The following AFG1L variants were observed in gnomAD, a reference collection of about 807,000 sequenced individuals.
AFG1L encodes AFG1 like ATPase, also known as AFG1-like ATPase.
Under a neutral mutation model 62.2 loss-of-function variants are expected in AFG1L, and 53 were observed. The ratio of observed to expected loss-of-function variants is 0.85; its 90% CI spans 0.68 to 1.07. The LOEUF (loss-of-function observed/expected upper bound fraction) is 1.07. Among genes scored for constraint, AFG1L ranks in the 50% least tolerant of loss-of-function variants. The pLI is 0.00. For synonymous variants in AFG1L, 228 were observed against 210.3 expected (o/e 1.08, Z -0.73); for missense variants, 555 against 590.5 (o/e 0.94, Z 0.62).
Position 108,510,193 on chromosome 6 carries a change from T to C in AFG1L, c.1063-19T>C, listed in dbSNP as rs1295865295. ...AATTGGTTTATTTTTAAGTTTTCTT[T>C]TATTTCATTTTATCATAGCCACTTG... On this transcript the variant is annotated intron_variant, in intron 10 of 12. Transcript: ENST00000368977. 6 of 1,579,850 alleles carry C rather than the reference T, an allele frequency of 3.8e-6. No homozygotes were observed. The highest frequency in any genetic ancestry group is 1.8e-4 in the Middle Eastern group (1 of 5,712).
intron 6 of AFG1L, among the ~76,000 whole-genome samples, chr6:108,391,737 A>G (rs1004288035): frequency 1.3e-5 from 2 of 152,060 alleles, no homozygotes; most frequent in African/African-American, 2.4e-5. Flanking sequence ...TTTTGATGTT[A>G]TCTTCTGGAA....
At chr6:108,514,878 A>G (rs940943345) in intron 11 of AFG1L, among the ~76,000 whole-genome samples, 1 of 152,210 alleles carries the variant, frequency 6.6e-6, no homozygotes, top group Non-Finnish European at 1.5e-5. Flanking sequence ...CTTTAAACCA[A>G]CAAAGATCAA....
chr6:108,307,475 A>C (rs1299109015), intron 1 of AFG1L, among the ~76,000 whole-genome samples: 2 of 148,324 alleles, frequency 1.3e-5, no homozygotes, highest in Non-Finnish European at 3.0e-5. Flanking sequence ...CAGTGGTGTG[A>C]TCACAGCTCA....
At chr6:108,320,536 G>GA (rs1243335693) in intron 1 of AFG1L, among the ~76,000 whole-genome samples, 1 of 152,092 alleles carries the variant, frequency 6.6e-6, no homozygotes, top group Non-Finnish European at 1.5e-5. Flanking sequence ...TGGAGTTTCT[G>GA]AAAAACAACT....
chr6:108,406,257 C>T (rs1467455748), intron 7 of AFG1L, among the ~76,000 whole-genome samples: 1 of 151,862 alleles, frequency 6.6e-6, no homozygotes, highest in African/African-American at 2.4e-5. Context: ...CAGCAATACA[C>T]AAGCATTCCA....
At chr6:108,355,511 G>C (rs976166330) in intron 3 of AFG1L, 143 bp from the exon 4 acceptor site, 1 of 458,668 alleles carries the variant, frequency 2.2e-6, no homozygotes, top group African/African-American at 2.0e-5. Flanking sequence ...TACAAAGTAA[G>C]CTCCCCCTTC....
At chr6:108,448,199 C>T (rs1292592798) in intron 8 of AFG1L, among the ~76,000 whole-genome samples, 1 of 152,122 alleles carries the variant, frequency 6.6e-6, no homozygotes, top group Non-Finnish European at 1.5e-5. Flanking sequence ...TATTCAGATC[C>T]TGATGATTAT....
chr6:108,305,564 T>G (rs74963690), intron 1 of AFG1L, among the ~76,000 whole-genome samples: 1 of 150,674 alleles, frequency 6.6e-6, no homozygotes, highest in Non-Finnish European at 1.5e-5. Flanking sequence ...AATGTTTGTA[T>G]TTTTTTTTCG....
At chr6:108,301,093 A>G (rs923386593) in intron 1 of AFG1L, among the ~76,000 whole-genome samples, 1 of 152,158 alleles carries the variant, frequency 6.6e-6, no homozygotes, top group Non-Finnish European at 1.5e-5. Context: ...CCTGAGACTG[A>G]TTATCTTTAT....
At chr6:108,330,188 T>A (rs201557933) in intron 2 of AFG1L, among the ~76,000 whole-genome samples, 53 of 149,294 alleles carry the variant, frequency 3.6e-4, no homozygotes, top group South Asian at 2.8e-3. Flanking sequence ...TTTTATTTTT[T>A]TTTTTTTTTT....
At chr6:108,499,576 C>CA (rs1229508414) in intron 10 of AFG1L, among the ~76,000 whole-genome samples, 9,984 of 58,748 alleles carry the variant, frequency 0.17, 680 homozygotes, top group South Asian at 0.27. Flanking sequence ...TCATCTCTAC[C>CA]AAAAAAAAAA....
chr6:108,445,664 G>C (rs927921229), intron 7 of AFG1L, among the ~76,000 whole-genome samples: 1 of 150,774 alleles, frequency 6.6e-6, no homozygotes, highest in Non-Finnish European at 1.5e-5. Flanking sequence ...GAGAGAGAGA[G>C]AGAGAGAGAG....
At chr6:108,504,885 G>C (rs1774339070) in intron 10 of AFG1L, among the ~76,000 whole-genome samples, 1 of 152,078 alleles carries the variant, frequency 6.6e-6, no homozygotes, top group Non-Finnish European at 1.5e-5. Context: ...TCAGAGACTA[G>C]GGCCATCCAA....
intron 10 of AFG1L, among the ~76,000 whole-genome samples, chr6:108,500,646 T>C (rs542134346): frequency 6.6e-6 from 1 of 152,342 alleles, no homozygotes; most frequent in Non-Finnish European, 1.5e-5. Flanking sequence ...AGGTGTCTTT[T>C]GCACTACCCT....
At chr6:108,346,036 T>G (rs1778850903) in intron 2 of AFG1L, among the ~76,000 whole-genome samples, 1 of 152,164 alleles carries the variant, frequency 6.6e-6, no homozygotes, top group Admixed American at 6.5e-5. Flanking sequence ...GGCTGGTAAA[T>G]GGTAGAGGGG....
rs143065481 is a variant in AFG1L, at chr6:108,324,022, A to G, written c.337A>G (p.Ile113Val). 12 of 1,612,168 alleles carry G rather than the reference A, an allele frequency of 7.4e-6. No homozygotes were observed. The highest frequency in any genetic ancestry group is 1.0e-5 in the Non-Finnish European group (12 of 1,178,434). Residue 113 changes from isoleucine to valine, a missense_variant, in exon 2 of 13, where the codon ATA (isoleucine) becomes GTA (valine). Coordinates refer to ENST00000368977, the MANE Select transcript of AFG1L (RefSeq NM_145315.5). ...KLHEDLKGYN[I>V]EAEGLFSKLF... ...ACACGAGGACCTTAAAGGATACAATATAGAGGCAGAAGGCCTTTTTTCAAA... is the reference window on the plus strand; with the variant it reads ...ACACGAGGACCTTAAAGGATACAATGTAGAGGCAGAAGGCCTTTTTTCAAA...
In AFG1L at chr6:108,464,501, G is replaced by T. The variant is rs114996139; in HGVS notation, c.891-12364G>T. 3.7e-3 allele frequency among the ~76,000 whole-genome samples: 567 copies of T among 152,232 alleles called. 6 individuals carry two copies. The highest frequency in any genetic ancestry group is 0.013 in the African/African-American group (546 of 41,538). On this transcript the variant is annotated intron_variant, in intron 8 of 12. Coordinates refer to ENST00000368977, the MANE Select transcript of AFG1L (RefSeq NM_145315.5). Reference sequence around the variant, plus strand: ...ACTCAGGCTTTTCATCCAGGGTACTGTACTCACAGGATTCCTGTAGGAGTC... The same window carrying T: ...ACTCAGGCTTTTCATCCAGGGTACTTTACTCACAGGATTCCTGTAGGAGTC...
At chr6:108,297,133 G>A (rs1300861368) in intron 1 of AFG1L, among the ~76,000 whole-genome samples, 2 of 152,036 alleles carry the variant, frequency 1.3e-5, no homozygotes, top group Non-Finnish European at 1.5e-5. Context: ...TTGAGATAGA[G>A]CCTTGCTCTG....
intron 8 of AFG1L, among the ~76,000 whole-genome samples, chr6:108,471,479 T>C: frequency 6.8e-6 from 1 of 147,972 alleles, no homozygotes; most frequent in African/African-American, 2.5e-5. Flanking sequence ...TTTTTTTTTT[T>C]TTTTTTTTTT....
Sources: allele counts gnomAD v4.1 joint callset (sites outside exome capture counted in the v4.1 genomes callset), GRCh38; gene constraint gnomAD v4.1.1; transcripts MANE v1.5; gene names NCBI Gene and HGNC (gene_info 2026-07-23, HGNC 2026-07-21).